FAM120C: variants seen among roughly 807,000 people sequenced by gnomAD.
The protein encoded by FAM120C is family with sequence similarity 120 member C.
In FAM120C, 14 loss-of-function variants were observed where a neutral mutation model predicts 71.2. The observed-to-expected ratio is 0.20, with a 90% CI of 0.13 to 0.31. The LOEUF (loss-of-function observed/expected upper bound fraction) is 0.31. FAM120C is among the 10% of genes least tolerant of loss of function. FAM120C has a pLI of 1.00. For synonymous variants in FAM120C, 354 were observed against 353.2 expected, an observed-to-expected ratio of 1.00 and a Z score of -0.03; for missense variants, 500 against 879.0, an observed-to-expected ratio of 0.57 and a Z score of 5.45.
chrX:54,108,804 C>T (rs1421290669), intron 10 of FAM120C, among the ~76,000 whole-genome samples: 1 of 104,071 alleles, frequency 9.6e-6, no homozygotes, highest in South Asian at 4.6e-4. Context: ...GTGGTGCGCG[C>T]CTGTAATCTC....
At chrX:54,078,160 G>A (rs2066745996) in intron 15 of FAM120C, among the ~76,000 whole-genome samples, 1 of 105,415 alleles carries the variant, frequency 9.5e-6, no homozygotes, top group South Asian at 4.4e-4. Context: ...AGCCAGGATG[G>A]TCTCGATCTC....
At chrX:54,130,043 G>A (rs2067056823) in intron 9 of FAM120C, among the ~76,000 whole-genome samples, 1 of 93,670 alleles carries the variant, frequency 1.1e-5, no homozygotes, top group Admixed American at 1.2e-4. Context: ...TGGGGAGAGG[G>A]AGAGGGAGAG....
At chrX:54,149,242 TACTC>T (rs2067172782) in intron 4 of FAM120C, among the ~76,000 whole-genome samples, 1 of 112,492 alleles carries the variant, frequency 8.9e-6, no homozygotes, top group African/African-American at 3.2e-5. Flanking sequence ...CAATGACTAT[TACTC>T]AGCAATAAAA....
At chrX:54,097,961 C>T (rs899076060) in intron 10 of FAM120C, among the ~76,000 whole-genome samples, 3 of 110,095 alleles carry the variant, frequency 2.7e-5, no homozygotes, top group Non-Finnish European at 3.8e-5. Context: ...CTCCTGGCCT[C>T]GTGATCCGCC....
At chrX:54,176,231 G>A (rs1475718852) in intron 1 of FAM120C, among the ~76,000 whole-genome samples, 1 of 110,753 alleles carries the variant, frequency 9.0e-6, no homozygotes, top group Non-Finnish European at 1.9e-5. Flanking sequence ...TCAGGAGTTC[G>A]AAACCAGTCT....
chrX:54,175,922 C>T (rs782128384), intron 1 of FAM120C, among the ~76,000 whole-genome samples: 7 of 111,354 alleles, frequency 6.3e-5, no homozygotes, highest in Admixed American at 4.8e-4. Context: ...CATTATGCTA[C>T]ACAAACTAAA....
rs1557129591 is a variant in FAM120C at position 54,132,725 on chromosome X, G to A, written c.2029C>T (p.Arg677Cys). The A allele has an allele frequency of 9.1e-6, 11 of 1,207,338 alleles. No homozygotes were observed. The highest frequency in any genetic ancestry group is 5.4e-5 in the South Asian group (3 of 55,915). The change falls in exon 9 of 16, where the codon CGC becomes TGC. Residue 677 changes from arginine to cysteine, a missense_variant. Physicochemically the swap from Arg to Cys is radical, Grantham distance 180. This residue lies in a region of FAM120C where 104 missense variants were observed against 254.5 expected (regional missense o/e 0.41). Transcript: ENST00000375180. ...SLAETQRKME[R>C]LAMRRRLPVE... is the part of the protein sequence containing the mutation. ...GGCAGCCGCCGTCGCATGGCCAAGC[G>A]TTCCATTTTCCTCTGTGTCTCTGCC...
At chrX:54,173,398 G>A (rs887500868) in intron 1 of FAM120C, among the ~76,000 whole-genome samples, 6 of 111,714 alleles carry the variant, frequency 5.4e-5, no homozygotes, top group African/African-American at 1.6e-4. Context: ...ACAGGCATGC[G>A]CCACCACGCC....
intron 11 of FAM120C, 115 bp downstream of exon 11, chrX:54,091,197 C>T (rs2066822333): frequency 2.1e-6 from 1 of 468,759 alleles, no homozygotes; most frequent in South Asian, 4.3e-5. Flanking sequence ...TAAAGTAAAT[C>T]AAACAGTTAC....
Position 54,183,241 on chromosome X carries a change from A to G in FAM120C, c.-43T>C. On this transcript the variant is annotated 5_prime_UTR_variant, in exon 1 of 16. Transcript: ENST00000375180. The stretch of plus-strand genomic sequence containing the variant: ...ACGCGATAGCGGCTGCGCAAGCAGG[A>G]TAGGCGACGATCTGGGCGCGAAGCT... The G allele has an allele frequency of 1.2e-6, 1 of 863,259 alleles. No individual in the cohort carries two copies. Among genetic ancestry groups the G allele is most frequent in the Non-Finnish European group, 1.4e-6 (1 of 692,372 alleles). The allele number at this position is 863,259 out of a possible 1,213,427, so 71.1% of individuals were successfully genotyped here.
At chrX:54,097,036 C>G (rs1173574375) in intron 10 of FAM120C, among the ~76,000 whole-genome samples, 1 of 111,798 alleles carries the variant, frequency 8.9e-6, no homozygotes, top group Non-Finnish European at 1.9e-5. Context: ...TTATTTACCC[C>G]CTTCTCAGAT....
At chrX:54,077,704 T>A (rs1289815846) in intron 15 of FAM120C, among the ~76,000 whole-genome samples, 3 of 110,549 alleles carry the variant, frequency 2.7e-5, no homozygotes, top group African/African-American at 9.9e-5. Context: ...GAATAATAAA[T>A]ACTTCACAGG....
At chrX:54,131,222 G>C (rs192751254) in intron 9 of FAM120C, among the ~76,000 whole-genome samples, 1 of 111,490 alleles carries the variant, frequency 9.0e-6, no homozygotes, top group East Asian at 2.8e-4. Flanking sequence ...AAAATTCATG[G>C]GAGAGAGACT....
chrX:54,117,913 A>C (rs2066980450), intron 9 of FAM120C, among the ~76,000 whole-genome samples: 1 of 111,217 alleles, frequency 9.0e-6, no homozygotes, highest in African/African-American at 3.3e-5. Flanking sequence ...TTCTCAAAAA[A>C]ATCAACATCT....
chrX:54,133,845 T>G lies in FAM120C; in HGVS notation c.1818A>C (p.Glu606Asp). The G allele has an allele frequency of 8.3e-7, 1 of 1,211,166 alleles. No individual in the cohort carries two copies. Among genetic ancestry groups the G allele is most frequent in the Non-Finnish European group, 1.1e-6 (1 of 895,112 alleles). Reference protein sequence around the residue: ...TIPPLPPVAPEVLRVAEHRHR... With the variant: ...TIPPLPPVAPDVLRVAEHRHR... ...GTCTGTGTTCAGCAACTCTCAAGAC[T>G]TCTGGAGCTACTGGAGGTAAGGGTG... Residue 606 changes from glutamate (E) to aspartate (D), a missense_variant, in exon 8 of 16, where the codon GAA becomes GAC. Transcript: ENST00000375180.
In FAM120C at chrX:54,135,033, A is replaced by G. The variant is rs1320830609; in HGVS notation, c.1414T>C (p.Ser472Pro). 8.3e-7 allele frequency: 1 copy of G among 1,209,539 alleles called. No individual in the cohort carries two copies. The highest frequency in any genetic ancestry group is 1.7e-5 in the African/African-American group (1 of 57,377). Residue 472 changes from serine to proline, a missense_variant, in exon 7 of 16, where the codon TCC (serine) becomes CCC (proline). By Grantham distance (74) the Ser-to-Pro change is moderately conservative (BLOSUM62 -1). Around this residue, in one of 11 missense-constraint regions of FAM120C, gnomAD observed 85 missense variants for 84.9 expected, o/e 1.00. Transcript: ENST00000375180. ...VGPNSSLLFS[S>P]HALGESHAFS... ...GCATGGGATTCCCCCAAAGCATGGG[A>G]GGAGAAGAGAAGAGATGAGTTGGGT... is the stretch of plus-strand genomic sequence containing the variant.
At chrX:54,075,369 T>C (rs1169337355) in intron 15 of FAM120C, among the ~76,000 whole-genome samples, 1 of 111,824 alleles carries the variant, frequency 8.9e-6, no homozygotes, top group African/African-American at 3.2e-5. Flanking sequence ...CTGTACAATA[T>C]GGGGCTTACT....
At chrX:54,079,911 G>A (rs1240621382) in intron 15 of FAM120C, among the ~76,000 whole-genome samples, 2 of 112,066 alleles carry the variant, frequency 1.8e-5, no homozygotes, top group Non-Finnish European at 3.8e-5. Context: ...CAGGCTGTGG[G>A]CAGTCTCACT....
intron 1 of FAM120C, among the ~76,000 whole-genome samples, chrX:54,164,010 G>A: frequency 9.2e-6 from 1 of 108,251 alleles, no homozygotes; most frequent in Non-Finnish European, 1.9e-5. Flanking sequence ...TCGGCTCACC[G>A]CAACCTTCGC....
Sources: allele counts gnomAD v4.1 joint callset (sites outside exome capture counted in the v4.1 genomes callset), GRCh38; gene constraint gnomAD v4.1.1; regional missense constraint gnomAD v4.1.1; transcripts MANE v1.5; gene names NCBI Gene and HGNC (gene_info 2026-07-23, HGNC 2026-07-21).